The following SLC27A6 variants were observed in gnomAD, a reference collection of about 807,000 sequenced individuals.
The protein encoded by SLC27A6 is long-chain fatty acid transport protein 6.
In SLC27A6, 74 loss-of-function variants were observed where a neutral mutation model predicts 63.9. The ratio of observed to expected loss-of-function variants is 1.16; its 90% CI spans 0.96 to 1.40. The LOEUF is 1.40. Among genes scored for constraint, SLC27A6 ranks in the 40% most tolerant of loss-of-function variants. The pLI is 0.00. For missense variants in SLC27A6, 794 were observed against 732.9 expected (o/e 1.08, Z -0.96); for synonymous variants, 287 against 260.8 (o/e 1.10, Z -0.97).
chr5:128,971,375 A>G (rs1353077319), intron 1 of SLC27A6, among the ~76,000 whole-genome samples: 1 of 152,016 alleles, frequency 6.6e-6, no homozygotes, highest in Non-Finnish European at 1.5e-5. Context: ...GTCTCCTATT[A>G]TTATTGTTTG....
chr5:129,002,880 A>G (rs547505319), intron 4 of SLC27A6, among the ~76,000 whole-genome samples: 1 of 152,298 alleles, frequency 6.6e-6, no homozygotes, highest in African/African-American at 2.4e-5. Flanking sequence ...GTTTCGCCTG[A>G]CCTGGCAGCC....
In SLC27A6 at chr5:128,984,146, T is replaced by C. The variant is rs547636689; in HGVS notation, c.482-987T>C. On this transcript the variant is annotated intron_variant, in intron 1 of 9. Transcript: ENST00000262462. ...GATCCATGCTAAAGTAAGGGAGTGG[T>C]GAATTTAAAAAGAATTTAAATAATA... Among the ~76,000 whole-genome samples the C allele has an allele frequency of 3.7e-4, 57 of 152,292 alleles. No homozygotes were observed. In the South Asian group the frequency reaches 0.011, roughly 30 times the overall value.
At chr5:128,999,478 A>G (rs112465850) in intron 4 of SLC27A6, among the ~76,000 whole-genome samples, 6 of 152,068 alleles carry the variant, frequency 3.9e-5, no homozygotes, top group African/African-American at 1.2e-4. Context: ...TCCTGGTTGC[A>G]AATACCGTCT....
chr5:129,012,890 A>C (rs1480780972), intron 4 of SLC27A6, among the ~76,000 whole-genome samples: 1 of 151,924 alleles, frequency 6.6e-6, no homozygotes, highest in Non-Finnish European at 1.5e-5. Flanking sequence ...TATGCATTCT[A>C]AAAGTTTTTT....
chr5:129,024,942 G>T (rs1004210400), intron 6 of SLC27A6, among the ~76,000 whole-genome samples: 1 of 152,098 alleles, frequency 6.6e-6, no homozygotes, highest in East Asian at 1.9e-4. Context: ...AAGCCTACTG[G>T]CATTTATCAA....
chr5:128,995,863 G>T (rs1221209095), intron 4 of SLC27A6, among the ~76,000 whole-genome samples: 1 of 152,052 alleles, frequency 6.6e-6, no homozygotes, highest in African/African-American at 2.4e-5. Flanking sequence ...GACCACTTTG[G>T]GATCTATCTT....
chr5:129,020,260 C>A (rs1178106098), intron 5 of SLC27A6, among the ~76,000 whole-genome samples: 1 of 152,106 alleles, frequency 6.6e-6, no homozygotes, highest in Non-Finnish European at 1.5e-5. Flanking sequence ...AACTATAATA[C>A]CTGCATATTT....
rs1750876810 is a variant in SLC27A6 at position 128,988,754 on chromosome 5, G to A, written c.840G>A (p.Glu280=). The A allele has an allele frequency of 6.2e-6, 10 of 1,609,626 alleles. No individual in the cohort carries two copies. Among genetic ancestry groups the A allele is most frequent in the African/African-American group, 1.3e-5 (1 of 74,872 alleles). ...AAILGISGCV[E]LGATCVLKKK... ...TCCTGGGAATTTCTGGATGTGTTGA[G>A]TTGGGTAAGGCTTTATTTTCTTTTT... Residue 280 remains glutamate (E), a synonymous_variant, in exon 3 of 10, where the codon GAG becomes GAA. Transcript: ENST00000262462.
intron 3 of SLC27A6, among the ~76,000 whole-genome samples, chr5:128,989,747 AC>A (rs1178819701): frequency 1.3e-5 from 2 of 151,876 alleles, no homozygotes; most frequent in African/African-American, 4.8e-5. Context: ...ACACGGTGAA[AC>A]CCTGTCTCTA....
intron 1 of SLC27A6, among the ~76,000 whole-genome samples, chr5:128,981,606 A>C (rs1580708213): frequency 1.3e-5 from 2 of 152,164 alleles, no homozygotes; most frequent in Non-Finnish European, 2.9e-5. Context: ...GCGGCCAGGT[A>C]GAGTGAGCAG....
chr5:128,995,536 G>T (rs1751129192), intron 4 of SLC27A6, among the ~76,000 whole-genome samples: 1 of 152,210 alleles, frequency 6.6e-6, no homozygotes, highest in South Asian at 2.1e-4. Flanking sequence ...TGGACTGTGG[G>T]AGTAGGACAT....
intron 4 of SLC27A6, among the ~76,000 whole-genome samples, chr5:128,998,117 CAAAAAAAAA>C (rs34463699): frequency 2.2e-5 from 2 of 89,384 alleles, no homozygotes; most frequent in Non-Finnish European, 4.4e-5. Context: ...CCCATCTCTA[CAAAAAAAAA>C]AAAAAAAAAA....
chr5:128,981,619 G>A (rs1305440686), intron 1 of SLC27A6, among the ~76,000 whole-genome samples: 2 of 152,180 alleles, frequency 1.3e-5, no homozygotes, highest in Non-Finnish European at 2.9e-5. Context: ...GTGAGCAGAA[G>A]GATGGAGGAG....
At chr5:128,972,812 T>TGGCAAGTA (rs1194160782) in intron 1 of SLC27A6, among the ~76,000 whole-genome samples, 1 of 152,234 alleles carries the variant, frequency 6.6e-6, no homozygotes, top group Non-Finnish European at 1.5e-5. Context: ...GTTCCATTGC[T>TGGCAAGTA]GGCAAGTAGC....
intron 4 of SLC27A6, among the ~76,000 whole-genome samples, chr5:128,994,895 T>A (rs1202818150): frequency 6.6e-6 from 1 of 152,214 alleles, no homozygotes; most frequent in Non-Finnish European, 1.5e-5. Context: ...CTTCTCTTTT[T>A]CAAAACTCCA....
chr5:128,975,916 C>T (rs1580702991), intron 1 of SLC27A6, among the ~76,000 whole-genome samples: 1 of 152,146 alleles, frequency 6.6e-6, no homozygotes, highest in East Asian at 1.9e-4. Context: ...CACGCATTAT[C>T]AGTGCTTAGA....
intron 4 of SLC27A6, among the ~76,000 whole-genome samples, chr5:128,991,373 C>G (rs984375469): frequency 6.6e-6 from 1 of 152,104 alleles, no homozygotes; most frequent in East Asian, 1.9e-4. Context: ...AGCTGACTTA[C>G]AAAGATGCGT....
At chr5:129,011,058 G>A (rs1313493679) in intron 4 of SLC27A6, among the ~76,000 whole-genome samples, 2 of 152,116 alleles carry the variant, frequency 1.3e-5, no homozygotes, top group Non-Finnish European at 2.9e-5. Flanking sequence ...TTTTACTATT[G>A]ATGGATTTGG....
At chr5:128,977,518 T>G (rs886345836) in intron 1 of SLC27A6, among the ~76,000 whole-genome samples, 39 of 151,950 alleles carry the variant, frequency 2.6e-4, no homozygotes, top group African/African-American at 9.2e-4. Context: ...AAGATGGAGA[T>G]GAGGGAATGA....
Sources: allele counts gnomAD v4.1 joint callset (sites outside exome capture counted in the v4.1 genomes callset), GRCh38; gene constraint gnomAD v4.1.1; transcripts MANE v1.5; gene names NCBI Gene and HGNC (gene_info 2026-07-23, HGNC 2026-07-21).